The following NR3C1 variants were observed in gnomAD, a reference collection of about 807,000 sequenced individuals.
NR3C1 encodes glucocorticoid receptor.
A neutral mutation model predicts 74.0 loss-of-function variants in NR3C1; 14 were observed. That is an observed-to-expected ratio of 0.19 (90% CI 0.12 to 0.30). The LOEUF (loss-of-function observed/expected upper bound fraction) is 0.30, where lower values mean the gene tolerates loss of function less well. Among genes scored for constraint, NR3C1 ranks in the 10% least tolerant of loss-of-function variants. The probability of loss-of-function intolerance (pLI) is 1.00; values close to 1 mark genes in which losing one functional copy is unlikely to be tolerated. For missense variants in NR3C1, 695 were observed against 909.8 expected, an observed-to-expected ratio of 0.76 and a Z score of 3.04; for synonymous variants, 308 against 332.5, an observed-to-expected ratio of 0.93 and a Z score of 0.80.
Position 143,400,148 on chromosome 5 carries a change from T to C in NR3C1, c.692A>G (p.Glu231Gly). The change falls in exon 2 of 9, where the codon GAA becomes GGA. Residue 231 changes from glutamate to glycine, a missense_variant. Transcript: ENST00000394464. Reference protein sequence around the residue: ...ENCLLSPLAGEDDSFLLEGNS... With the variant: ...ENCLLSPLAGGDDSFLLEGNS... ...TCCTTCCAAAAGGAATGAATCGTCTTCTCCCGCCAGAGGAGAAAGCAAACA... is the reference window on the plus strand; with the variant it reads ...TCCTTCCAAAAGGAATGAATCGTCTCCTCCCGCCAGAGGAGAAAGCAAACA... 1.2e-6 allele frequency: 2 copies of C among 1,614,148 alleles called. No individual in the cohort carries two copies. Among genetic ancestry groups the C allele is most frequent in the Non-Finnish European group, 1.7e-6 (2 of 1,180,018 alleles).
intron 2 of NR3C1, among the ~76,000 whole-genome samples, chr5:143,389,389 C>A (rs766471790): frequency 6.6e-6 from 1 of 152,154 alleles, no homozygotes; most frequent in Non-Finnish European, 1.5e-5. Flanking sequence ...CACTTACGAA[C>A]ATAATAACGT....
chr5:143,355,838 T>C (rs1831044043), intron 2 of NR3C1, among the ~76,000 whole-genome samples: 1 of 152,148 alleles, frequency 6.6e-6, no homozygotes, highest in Non-Finnish European at 1.5e-5. Flanking sequence ...GCCTTTAATG[T>C]TTAAAAGAGG....
At position 143,420,442 on chromosome 5, in the gene NR3C1, C is replaced by T. The variant is rs186557579; in HGVS notation, c.-14+14090G>A. ...ATGTCCATGAAATCTTCACAATCCA[C>T]GTTCTTCTGCCATGGCTTCAGCTGG... On this transcript the variant is annotated intron_variant, in intron 1 of 8. Transcript: ENST00000343796. Among the ~76,000 whole-genome samples, 166 of 152,292 alleles carry T rather than the reference C, an allele frequency of 1.1e-3. 1 individual carries two copies. The highest frequency in any genetic ancestry group is 3.7e-3 in the African/African-American group (154 of 41,564).
At chr5:143,282,794 G>GAGAT (rs773684732) in intron 7 of NR3C1, 69 bp from the exon 8 acceptor site, 235 of 1,096,072 alleles carry the variant, frequency 2.1e-4, no homozygotes, top group Non-Finnish European at 2.6e-4. Flanking sequence ...TTTTTTTTTT[G>GAGAT]AGATAGATAG....
At chr5:143,405,461 G>T (rs1470872643), upstream of NR3C1, 4 of 648,184 alleles carry the variant, frequency 6.2e-6, no homozygotes, top group Non-Finnish European at 7.7e-6. Context: ...CCGTCCCCGC[G>T]GCCACCATCT....
At chr5:143,413,752 C>G (rs1841383209) in intron 1 of NR3C1, among the ~76,000 whole-genome samples, 1 of 152,052 alleles carries the variant, frequency 6.6e-6, no homozygotes, top group African/African-American at 2.4e-5. Context: ...TAACTATGAC[C>G]AAGGGATGTC....
At chr5:143,393,057 T>C (rs1248549189) in intron 2 of NR3C1, among the ~76,000 whole-genome samples, 3 of 152,192 alleles carry the variant, frequency 2.0e-5, no homozygotes, top group Non-Finnish European at 4.4e-5. Flanking sequence ...TCTCAAGTTC[T>C]TTTAAGTTCT....
At position 143,279,681 on chromosome 5, in the gene NR3C1, A is replaced by T. The variant is rs947727216; in HGVS notation, c.*2208T>A. 11 of 349,024 alleles carry T rather than the reference A, an allele frequency of 3.2e-5. No homozygotes were observed. In the Admixed American group the frequency reaches 3.5e-4, roughly 11 times the overall value. 21.6% of individuals were successfully genotyped at this position (349,024 alleles called of 1,614,324 possible). On this transcript the variant is annotated 3_prime_UTR_variant, in exon 9 of 9. Coordinates refer to ENST00000394464, the MANE Select transcript of NR3C1 (RefSeq NM_000176.3). ...AAAACATGTCCTCATTTTATTTGGA[A>T]ATAAACTCTTGTTGTAGGATAGAAA...
intron 2 of NR3C1, among the ~76,000 whole-genome samples, chr5:143,317,687 C>T (rs1822454045): frequency 6.6e-6 from 1 of 152,090 alleles, no homozygotes; most frequent in Non-Finnish European, 1.5e-5. Flanking sequence ...GCAATTGCTA[C>T]AAGGAGGATT....
chr5:143,353,902 T>C (rs745958206), intron 2 of NR3C1, among the ~76,000 whole-genome samples: 13 of 152,234 alleles, frequency 8.5e-5, no homozygotes, highest in South Asian at 2.1e-4. Flanking sequence ...TTTCTAGCTA[T>C]GAAAGTCCTA....
intron 2 of NR3C1, among the ~76,000 whole-genome samples, chr5:143,336,973 G>A (rs1827253498): frequency 6.8e-6 from 1 of 147,920 alleles, no homozygotes; most frequent in Admixed American, 6.7e-5. Context: ...GTGAGACCCT[G>A]TCTCAAAAAA....
chr5:143,296,267 T>C (rs959151208), intron 6 of NR3C1, among the ~76,000 whole-genome samples: 1 of 150,464 alleles, frequency 6.6e-6, no homozygotes, highest in African/African-American at 2.4e-5. Flanking sequence ...GCTTTTAAAA[T>C]GCTTCAAGAT....
At position 143,282,779 on chromosome 5, in the gene NR3C1, T is replaced by TTC; in HGVS notation, c.2024-55_2024-54insGA. The TTC allele has an allele frequency of 1.0e-5, 10 of 961,022 alleles. No individual in the cohort carries two copies. In the South Asian group the frequency reaches 2.2e-4, roughly 21 times the overall value. The allele number at this position is 961,022 out of a possible 1,614,324, so 59.5% of individuals were successfully genotyped here. On this transcript the variant is annotated intron_variant, in intron 7 of 8. Transcript: ENST00000394464. ...GGATTTTCTTTTTCTTTTCTTTTCT[T>TTC]TTTTTTTTTTTTTTGAGATAGATAG...
intron 2 of NR3C1, among the ~76,000 whole-genome samples, chr5:143,328,627 T>G (rs1825194520): frequency 6.6e-6 from 1 of 152,220 alleles, no homozygotes; most frequent in African/African-American, 2.4e-5. Context: ...TCTTCGTGAA[T>G]GCACATGACT....
At chr5:143,399,540 T>C (rs1839844370) in intron 2 of NR3C1, 116 bp downstream of exon 2, 6 of 837,094 alleles carry the variant, frequency 7.2e-6, no homozygotes, top group South Asian at 6.3e-5. Flanking sequence ...CTTAAACTTA[T>C]TCATATAAAA....
intron 2 of NR3C1, among the ~76,000 whole-genome samples, chr5:143,377,558 T>C (rs1835427540): frequency 6.6e-6 from 1 of 152,268 alleles, no homozygotes; most frequent in Non-Finnish European, 1.5e-5. Context: ...TCTAGCCAGA[T>C]ACAGGCTCCT....
chr5:143,423,558 A>T (rs190580519), intron 1 of NR3C1, among the ~76,000 whole-genome samples: 291 of 152,192 alleles, frequency 1.9e-3, no homozygotes, highest in African/African-American at 6.6e-3. Flanking sequence ...CCTAAAAACA[A>T]CAACAACAAC....
At position 143,310,233 on chromosome 5, in the gene NR3C1, C is replaced by T. The variant is rs1820596106; in HGVS notation, c.1352-20G>A. Reference sequence around the variant, plus strand: ...GCTGTCCTATATGGAATAAAAGGCACTATTAAAGTTTCACAGGTCTTCAAA... The same window carrying T: ...GCTGTCCTATATGGAATAAAAGGCATTATTAAAGTTTCACAGGTCTTCAAA... On this transcript the variant is annotated intron_variant, in intron 3 of 8. Transcript: ENST00000394464. 2 of 1,536,390 alleles carry T rather than the reference C, an allele frequency of 1.3e-6. No individual in the cohort carries two copies. The highest frequency in any genetic ancestry group is 1.1e-5 in the South Asian group (1 of 89,362).
intron 7 of NR3C1, chr5:143,294,372 T>C (rs1302381803): frequency 1.2e-6 from 1 of 861,084 alleles, no homozygotes; most frequent in Non-Finnish European, 1.4e-6. Context: ...CTAAGGTTTA[T>C]AATACCAACT....
Sources: gnomAD v4.1 joint callset for allele counts (sites outside exome capture counted in the v4.1 genomes callset) on GRCh38, gnomAD v4.1.1 for gene constraint, MANE v1.5 for transcripts, NCBI Gene and HGNC (gene_info 2026-07-23, HGNC 2026-07-21) for gene names.